Variants in TOR1AIP2 observed in about 807,000 individuals in gnomAD.
The protein encoded by TOR1AIP2 is torsin-1A-interacting protein 2.
TOR1AIP2 carries 20 observed loss-of-function variants against 32.6 expected under a neutral mutation model. The observed-to-expected ratio is 0.61, with a 90% confidence interval of 0.43 to 0.89. TOR1AIP2 has a LOEUF of 0.89. Ranked by LOEUF, TOR1AIP2 falls within the 40% of genes least tolerant of loss-of-function variation. The pLI is 0.00. For synonymous variants in TOR1AIP2, 214 were observed against 210.8 expected, an observed-to-expected ratio of 1.02 and a Z score of -0.13; for missense variants, 456 against 553.8, an observed-to-expected ratio of 0.82 and a Z score of 1.77.
chr1:179,864,439 T>C (rs1696683527), intron 3 of TOR1AIP2: 2 of 1,044,410 alleles, frequency 1.9e-6, no homozygotes, highest in Non-Finnish European at 2.3e-6. Context: ...GCACACAGTA[T>C]AGGACTTCCC....
At chr1:179,875,049 G>A (rs1226241003) in intron 2 of TOR1AIP2, 1 of 153,574 alleles carries the variant, frequency 6.5e-6, no homozygotes, top group African/African-American at 2.4e-5. Context: ...GCCCAGGCTG[G>A]AGTGCAATGG....
Position 179,843,725 on chromosome 1 carries a change from GTGGGAGGA to G in TOR1AIP2, c.*2338_*2345del, listed in dbSNP as rs1393540291. On this transcript the variant is annotated 3_prime_UTR_variant, in exon 7 of 7. Coordinates refer to ENST00000609928, the MANE Select transcript of TOR1AIP2 (RefSeq NM_001199260.2). ...AGTCCCGGCTACTCAGGAGGCTAAG[GTGGGAGGA>G]TTGCTTGAGCCCAGGAGTTTAAAGC... The G allele has an allele frequency of 6.7e-6, 1 of 150,368 alleles. No homozygotes were observed. Among genetic ancestry groups the G allele is most frequent in the Non-Finnish European group, 1.5e-5 (1 of 67,968 alleles). 9.3% of individuals were successfully genotyped at this position (150,368 alleles called of 1,614,324 possible). A position where few individuals can be genotyped will look rare whatever the true frequency, so the allele number is the denominator to read the frequency against.
At chr1:179,868,676 T>G (rs1696891809) in intron 2 of TOR1AIP2, 9 of 152,072 alleles carry the variant, frequency 5.9e-5, no homozygotes. Context: ...ATTAAGGTAT[T>G]GCTGTACAAT....
rs946134156 is a variant in TOR1AIP2, at chr1:179,841,439, A to G, written c.*4632T>C. Reference sequence around the variant, plus strand: ...TGTTTACAACTATGTTTTATTTTCAAATGGTAAAGGAAAGGCTTCATGTTG... The same window carrying G: ...TGTTTACAACTATGTTTTATTTTCAGATGGTAAAGGAAAGGCTTCATGTTG... On this transcript the variant is annotated 3_prime_UTR_variant, in exon 7 of 7. Coordinates refer to ENST00000609928, the MANE Select transcript of TOR1AIP2 (RefSeq NM_001199260.2). 3 of 152,086 alleles carry G rather than the reference A, an allele frequency of 2.0e-5. No homozygotes were observed. The highest frequency in any genetic ancestry group is 4.4e-5 in the Non-Finnish European group (3 of 68,030). The allele number at this position is 152,086 out of a possible 1,614,324, so 9.4% of individuals were successfully genotyped here.
At chr1:179,861,914 G>A (rs1169283976) in intron 3 of TOR1AIP2, 2 of 939,018 alleles carry the variant, frequency 2.1e-6, no homozygotes, top group African/African-American at 1.8e-5. Flanking sequence ...TGCCCAGGCT[G>A]GTCTTGAACT....
Position 179,846,632 on chromosome 1 carries a change from G to A in TOR1AIP2, c.852C>T (p.His284=). ...WQRGRKFLQK[H]LNASNPTEPA... is the part of the protein sequence containing the mutation. ...GCTCAGTGGGGTTGGAAGCATTGAG[G>A]TGCTTCTGGAGAAACTTCCGTCCTC... is the stretch of plus-strand genomic sequence containing the variant. The change falls in exon 7 of 7, where the codon CAC becomes CAT. Residue 284 remains histidine, a synonymous_variant. Transcript: ENST00000609928. 1 of 1,614,066 alleles carries A rather than the reference G, an allele frequency of 6.2e-7. No individual in the cohort carries two copies. Among genetic ancestry groups the A allele is most frequent in the Admixed American group, 1.7e-5 (1 of 60,010 alleles).
chr1:179,850,729 C>A, intron 5 of TOR1AIP2, 116 bp downstream of exon 5: 1 of 1,310,428 alleles, frequency 7.6e-7, no homozygotes, highest in African/African-American at 1.5e-5. Context: ...GGCCCAAAGG[C>A]CTTACTCCTA....
rs1696110544 is a variant in TOR1AIP2, at chr1:179,851,360, G to A, written c.38C>T (p.Ser13Phe). 1 of 1,527,128 alleles carries A rather than the reference G, an allele frequency of 6.5e-7. No individual in the cohort carries two copies. The highest frequency in any genetic ancestry group is 8.7e-7 in the Non-Finnish European group (1 of 1,147,504). 94.6% of individuals were successfully genotyped at this position (1,527,128 alleles called of 1,614,324 possible). A position where few individuals can be genotyped will look rare whatever the true frequency, so the allele number is the denominator to read the frequency against. ...DSGLREPQED[S>F]QKDLENDPSV... ...TGGATCATTTTCCAAATCCTTTTGAGAGTCTATTGAGATAAAAGTTTATAA... is the reference window on the plus strand; with the variant it reads ...TGGATCATTTTCCAAATCCTTTTGAAAGTCTATTGAGATAAAAGTTTATAA... The change falls in exon 5 of 7, where the codon TCT becomes TTT. Residue 13 changes from serine (S) to phenylalanine (F), a missense_variant. By Grantham distance (155) the Ser-to-Phe change is radical (BLOSUM62 -2). Coordinates refer to ENST00000609928, the MANE Select transcript of TOR1AIP2 (RefSeq NM_001199260.2).
At chr1:179,852,841 C>T (rs970679413) in intron 3 of TOR1AIP2, 30 bp from the exon 4 acceptor site, 5 of 1,362,684 alleles carry the variant, frequency 3.7e-6, no homozygotes, top group Middle Eastern at 2.2e-4. Context: ...AATTAAATGA[C>T]TTTTTATCCA....
In TOR1AIP2 at chr1:179,846,600, G is replaced by A; in HGVS notation, c.884C>T (p.Thr295Ile). The A allele has an allele frequency of 3.1e-6, 5 of 1,614,166 alleles. No individual in the cohort carries two copies. Among genetic ancestry groups the A allele is most frequent in the South Asian group, 1.1e-5 (1 of 91,084 alleles). The stretch of plus-strand genomic sequence containing the variant: ...CTCCCGAGCTGCTGTAAATATGATG[G>A]TGGCTGGCTCAGTGGGGTTGGAAGC... ...LNASNPTEPA[T>I]IIFTAAREGR... The change falls in exon 7 of 7, where the codon ACC (threonine) becomes ATC (isoleucine). Residue 295 changes from threonine (T) to isoleucine (I), a missense_variant. Coordinates refer to ENST00000609928, the MANE Select transcript of TOR1AIP2 (RefSeq NM_001199260.2).
chr1:179,868,663 T>C (rs1452848409), intron 2 of TOR1AIP2: 1 of 151,862 alleles, frequency 6.6e-6, no homozygotes, highest in African/African-American at 2.4e-5. Context: ...GGAGAATGAA[T>C]AAATTAAGGT....
intron 3 of TOR1AIP2, chr1:179,859,811 G>A (rs1475308263): frequency 1.0e-6 from 1 of 985,328 alleles, no homozygotes; most frequent in African/African-American, 1.7e-5. Context: ...TCCTTCATCA[G>A]GAGAGATTTA....
chr1:179,856,628 T>TC (rs921375873), intron 3 of TOR1AIP2, among the ~76,000 whole-genome samples: 11 of 147,766 alleles, frequency 7.4e-5, no homozygotes, highest in African/African-American at 1.7e-4. Flanking sequence ...AATCTTTTTT[T>TC]CCCCCCCAAG....
At chr1:179,875,592 G>T (rs1647249256) in intron 2 of TOR1AIP2, 1 of 152,106 alleles carries the variant, frequency 6.6e-6, no homozygotes, top group African/African-American at 2.4e-5. Context: ...AAGGGCTGAA[G>T]GAAAATCTCT....
At chr1:179,847,410 A>G in intron 6 of TOR1AIP2, 125 bp downstream of exon 6, 1 of 720,986 alleles carries the variant, frequency 1.4e-6, no homozygotes, top group Non-Finnish European at 2.5e-6. Context: ...TCTCACTACC[A>G]ATCATTAAAT....
intron 5 of TOR1AIP2, 86 bp downstream of exon 5, chr1:179,850,759 T>C: frequency 6.7e-7 from 1 of 1,490,296 alleles, no homozygotes; most frequent in Non-Finnish European, 9.0e-7. Flanking sequence ...ACAAAAGTTC[T>C]CTGGAAAGAA....
intron 2 of TOR1AIP2, among the ~76,000 whole-genome samples, chr1:179,866,978 C>T (rs1394305148): frequency 1.3e-5 from 2 of 152,044 alleles, no homozygotes; most frequent in Admixed American, 6.6e-5. Context: ...CTCCAATGTT[C>T]TTTTTGTAAA....
chr1:179,859,122 T>C, intron 3 of TOR1AIP2: 4 of 985,274 alleles, frequency 4.1e-6, no homozygotes, highest in Non-Finnish European at 4.8e-6. Context: ...AACTGGTATC[T>C]TGGCCCTGAA....
At position 179,859,896 on chromosome 1, in the gene TOR1AIP2, T is replaced by C; in HGVS notation, c.-147+5540A>G. On this transcript the variant is annotated intron_variant, in intron 3 of 6. Coordinates refer to ENST00000609928, the MANE Select transcript of TOR1AIP2 (RefSeq NM_001199260.2). ...AGGCTGGAGGGCAGTAGTACCATCA[T>C]AGCTCACTGCAGCCTCAAGCTCATA... The C allele has an allele frequency of 3.3e-6, 3 of 913,448 alleles. No individual in the cohort carries two copies. The South Asian group carries it at 1.5e-4, about 46-fold the overall frequency. The allele number at this position is 913,448 out of a possible 1,614,324, so 56.6% of individuals were successfully genotyped here.
Sources: gnomAD v4.1 joint callset for allele counts (sites outside exome capture counted in the v4.1 genomes callset) on GRCh38, gnomAD v4.1.1 for gene constraint, MANE v1.5 for transcripts, NCBI Gene and HGNC (gene_info 2026-07-23, HGNC 2026-07-21) for gene names.